Variants in NHSL1 observed in about 807,000 individuals in gnomAD.
NHSL1 encodes the protein NHS-like protein 1.
NHSL1 carries 48 observed loss-of-function variants against 95.0 expected under a neutral mutation model. That is an observed-to-expected ratio of 0.51 (90% confidence interval 0.40 to 0.64). The LOEUF is 0.64. Ranked by LOEUF, NHSL1 falls within the 30% of genes least tolerant of loss-of-function variation. The pLI is 0.00. For missense variants in NHSL1, 1,971 were observed against 2,077.7 expected (o/e 0.95, Z 1.00); for synonymous variants, 783 against 833.9 (o/e 0.94, Z 1.05).
At chr6:138,492,589 G>A (rs1780140795) in intron 2 of NHSL1, among the ~76,000 whole-genome samples, 1 of 152,056 alleles carries the variant, frequency 6.6e-6, no homozygotes, top group African/African-American at 2.4e-5. Context: ...GTAATTCTGT[G>A]GCTTCTTCAG....
At chr6:138,642,398 A>G (rs1784970266) in intron 1 of NHSL1, among the ~76,000 whole-genome samples, 1 of 152,174 alleles carries the variant, frequency 6.6e-6, no homozygotes, top group South Asian at 2.1e-4. Flanking sequence ...CAGCCTTATA[A>G]AATGTTGACT....
intron 1 of NHSL1, among the ~76,000 whole-genome samples, chr6:138,670,061 C>G (rs1785344147): frequency 1.3e-5 from 2 of 152,076 alleles, no homozygotes; most frequent in Admixed American, 6.6e-5. Flanking sequence ...GTGGAGGTTG[C>G]AGTGAGCCGA....
intron 4 of NHSL1, among the ~76,000 whole-genome samples, chr6:138,445,328 A>T (rs941395832): frequency 1.1e-4 from 16 of 152,176 alleles, no homozygotes; most frequent in Non-Finnish European, 1.9e-4. Context: ...AATGTAATTC[A>T]TTTTCTTATA....
chr6:138,489,896 G>A (rs1479693296), intron 2 of NHSL1, among the ~76,000 whole-genome samples: 2 of 89,496 alleles, frequency 2.2e-5, no homozygotes, highest in East Asian at 4.3e-4. Flanking sequence ...GAGGGAGAGA[G>A]GGAGAGAGCG....
chr6:138,437,385 T>TAC (rs1440784876), intron 5 of NHSL1, among the ~76,000 whole-genome samples: 4 of 84,870 alleles, frequency 4.7e-5, no homozygotes, highest in African/African-American at 2.4e-4. Context: ...CATATATATA[T>TAC]ACACATATAT....
intron 3 of NHSL1, among the ~76,000 whole-genome samples, chr6:138,447,797 G>T (rs573054134): frequency 6.6e-6 from 1 of 152,112 alleles, no homozygotes; most frequent in Non-Finnish European, 1.5e-5. Context: ...AAGAAAGTTC[G>T]TGGGTTTAGT....
At chr6:138,611,185 TG>T (rs1784507730) in intron 1 of NHSL1, among the ~76,000 whole-genome samples, 1 of 152,060 alleles carries the variant, frequency 6.6e-6, no homozygotes, top group African/African-American at 2.4e-5. Context: ...AGAAAAGGGT[TG>T]GGAAGATGAA....
At chr6:138,662,639 A>G (rs1398937916) in intron 1 of NHSL1, among the ~76,000 whole-genome samples, 1 of 152,206 alleles carries the variant, frequency 6.6e-6, no homozygotes, top group Non-Finnish European at 1.5e-5. Context: ...GTCATTCACA[A>G]ATGCTGCAAG....
chr6:138,663,257 T>G (rs1393788659), intron 1 of NHSL1, among the ~76,000 whole-genome samples: 3 of 152,020 alleles, frequency 2.0e-5, no homozygotes, highest in Non-Finnish European at 4.4e-5. Context: ...ATTGTATATG[T>G]CTGTGTATAT....
intron 7 of NHSL1, among the ~76,000 whole-genome samples, chr6:138,425,888 G>A (rs1439773315): frequency 7.5e-6 from 1 of 133,164 alleles, no homozygotes; most frequent in Admixed American, 8.2e-5. Context: ...CTTCATGATC[G>A]ACTCAGCAAA....
chr6:138,620,488 T>C (rs901742632), intron 1 of NHSL1, among the ~76,000 whole-genome samples: 1 of 152,214 alleles, frequency 6.6e-6, no homozygotes, highest in African/African-American at 2.4e-5. Flanking sequence ...TGATGAAATA[T>C]GACGAAGTCA....
intron 3 of NHSL1, among the ~76,000 whole-genome samples, chr6:138,449,704 A>T (rs371041918): frequency 6.6e-6 from 1 of 151,930 alleles, no homozygotes; most frequent in East Asian, 1.9e-4. Flanking sequence ...GTGGATATGG[A>T]GGTGGTGCTG....
intron 1 of NHSL1, among the ~76,000 whole-genome samples, chr6:138,607,583 C>T (rs1784451508): frequency 6.6e-6 from 1 of 152,122 alleles, no homozygotes; most frequent in African/African-American, 2.4e-5. Context: ...TTTTTTTCTT[C>T]AGCATACAAA....
At chr6:138,553,517 G>T (rs1783087072) in intron 1 of NHSL1, among the ~76,000 whole-genome samples, 1 of 152,138 alleles carries the variant, frequency 6.6e-6, no homozygotes, top group South Asian at 2.1e-4. Flanking sequence ...CAGGGTGCTG[G>T]AACATGATAG....
chr6:138,672,723 A>G (rs1191405897), intron 1 of NHSL1, among the ~76,000 whole-genome samples: 5 of 152,166 alleles, frequency 3.3e-5, no homozygotes, highest in Non-Finnish European at 7.4e-5. Context: ...GAGGACTTAT[A>G]ATAAAAATGT....
At chr6:138,529,250 G>A (rs1782036585) in intron 1 of NHSL1, among the ~76,000 whole-genome samples, 1 of 152,174 alleles carries the variant, frequency 6.6e-6, no homozygotes, top group Admixed American at 6.5e-5. Flanking sequence ...TGTCAGAAAG[G>A]TCATTCAATT....
At chr6:138,466,029 T>C (rs1290516454) in intron 3 of NHSL1, among the ~76,000 whole-genome samples, 1 of 128,580 alleles carries the variant, frequency 7.8e-6, no homozygotes, top group African/African-American at 3.1e-5. Context: ...TGGCCCCACA[T>C]ACACTCCTTT....
Position 138,430,139 on chromosome 6 carries a change from C to G in NHSL1, c.3952+254G>C, listed in dbSNP as rs1174455064. ...AGGTGTTACCCATTGCTATTTAATA[C>G]CCAGCCTGCTGCAGATCATCTCCAT... On this transcript the variant is annotated intron_variant, in intron 6 of 7. Coordinates refer to ENST00000343505, the MANE Select transcript of NHSL1 (RefSeq NM_001144060.2). This position sits in a 1 kb window ranked among gnomAD's most constrained non-coding sequence, Gnocchi z 4.7. 6.6e-6 allele frequency among the ~76,000 whole-genome samples: 1 copy of G among 152,160 alleles called. No individual in the cohort carries two copies. The highest frequency in any genetic ancestry group is 1.9e-4 in the East Asian group (1 of 5,196).
At chr6:138,543,977 T>C (rs935155557) in intron 1 of NHSL1, among the ~76,000 whole-genome samples, 1 of 152,164 alleles carries the variant, frequency 6.6e-6, no homozygotes, top group Non-Finnish European at 1.5e-5. Context: ...TTTTTAAAAT[T>C]TTCTGAGTTA....
Sources: allele counts gnomAD v4.1 joint callset (sites outside exome capture counted in the v4.1 genomes callset), GRCh38; gene constraint gnomAD v4.1.1; non-coding constraint Gnocchi (gnomAD v3.1); transcripts MANE v1.5; gene names NCBI Gene and HGNC (gene_info 2026-07-23, HGNC 2026-07-21).